Variants in UBAC2 observed in about 807,000 individuals in gnomAD.
The protein encoded by UBAC2 is ubiquitin-associated domain-containing protein 2.
UBAC2 carries 26 observed loss-of-function variants against 44.0 expected under a neutral mutation model. That is an observed-to-expected ratio of 0.59 (90% confidence interval 0.43 to 0.82). The LOEUF (loss-of-function observed/expected upper bound fraction) is 0.82. Among genes scored for constraint, UBAC2 ranks in the 40% least tolerant of loss-of-function variants. The probability of loss-of-function intolerance (pLI) is 0.00; values close to 1 mark genes in which losing one functional copy is unlikely to be tolerated. For synonymous variants in UBAC2, 155 were observed against 154.3 expected (o/e 1.00, Z -0.04); for missense variants, 329 against 419.4 (o/e 0.78, Z 1.88).
At chr13:99,222,278 G>T (rs1010538550) in intron 1 of UBAC2, among the ~76,000 whole-genome samples, 2 of 152,188 alleles carry the variant, frequency 1.3e-5, no homozygotes, top group Non-Finnish European at 2.9e-5. Flanking sequence ...ACGATGGAAG[G>T]CCACTCTGAG....
At chr13:99,285,456 G>T (rs1428299242) in intron 4 of UBAC2, among the ~76,000 whole-genome samples, 1 of 151,218 alleles carries the variant, frequency 6.6e-6, no homozygotes, top group Non-Finnish European at 1.5e-5. Flanking sequence ...GCAGTGGTGC[G>T]ATTGTAGCTC....
At chr13:99,237,451 G>A (rs2043250565) in intron 1 of UBAC2, among the ~76,000 whole-genome samples, 1 of 152,164 alleles carries the variant, frequency 6.6e-6, no homozygotes, top group South Asian at 2.1e-4. Context: ...CATGAAGACA[G>A]AGAGTAGGTT....
chr13:99,254,151 A>G (rs557913294), intron 4 of UBAC2, among the ~76,000 whole-genome samples: 1 of 152,330 alleles, frequency 6.6e-6, no homozygotes, highest in Non-Finnish European at 1.5e-5. Flanking sequence ...TCAACCACAT[A>G]AGAAGAGCAA....
At chr13:99,230,626 G>T (rs1438730664) in intron 1 of UBAC2, among the ~76,000 whole-genome samples, 1 of 152,120 alleles carries the variant, frequency 6.6e-6, no homozygotes, top group Non-Finnish European at 1.5e-5. Context: ...GCCTTTTGTA[G>T]CTTTCTGAGG....
rs901034381 is a variant in UBAC2 at position 99,201,339 on chromosome 13, G to A, written c.31+400G>A. 9.8e-6 allele frequency: 15 copies of A among 1,535,464 alleles called. No individual in the cohort carries two copies. The African/African-American group carries it at 1.6e-4, about 17-fold the overall frequency. ...CCCATTCTTTTAGGCTTGGGGGACC[G>A]AACTAACTCCCCCCGCCCCCACTTG... On this transcript the variant is annotated intron_variant, in intron 1 of 8. Transcript: ENST00000403766.
intron 4 of UBAC2, among the ~76,000 whole-genome samples, chr13:99,287,643 C>CTTTTTTTTTTTTTTTTTTT (rs11304203): frequency 3.8e-4 from 36 of 95,142 alleles, no homozygotes; most frequent in South Asian, 7.9e-4. Context: ...TTTTTTCTTT[C>CTTTTTTTTTTTTTTTTTTT]TTTTTTTTTT....
At chr13:99,337,031 G>A (rs534964878) in intron 6 of UBAC2, among the ~76,000 whole-genome samples, 24 of 151,644 alleles carry the variant, frequency 1.6e-4, no homozygotes, top group African/African-American at 5.1e-4. Flanking sequence ...TTCCTGTCTC[G>A]TTTTACTGCT....
Position 99,335,178 on chromosome 13 carries a change from G to A in UBAC2, c.562-5142G>A, listed in dbSNP as rs143101199. Among the ~76,000 whole-genome samples the A allele has an allele frequency of 5.1e-3, 772 of 152,208 alleles. 4 individuals carry two copies. The highest frequency in any genetic ancestry group is 0.018 in the African/African-American group (727 of 41,542). On this transcript the variant is annotated intron_variant, in intron 6 of 8. Transcript: ENST00000403766. ...AATCACAGTTGAATACTTTGAGACC[G>A]AAAAATAAAAATGTTTAATTTTGTA...
At chr13:99,222,591 G>A (rs1420509635) in intron 1 of UBAC2, among the ~76,000 whole-genome samples, 3 of 152,168 alleles carry the variant, frequency 2.0e-5, no homozygotes, top group Non-Finnish European at 2.9e-5. Context: ...ATGACAAATT[G>A]GTTTCATAGA....
intron 1 of UBAC2, 55 bp from the exon 2 acceptor site, chr13:99,238,372 G>A (rs1441739793): frequency 6.4e-7 from 1 of 1,572,280 alleles, no homozygotes; most frequent in Non-Finnish European, 8.7e-7. Context: ...CACGCATGTG[G>A]TTTTTTAAAT....
chr13:99,286,842 A>C (rs2044024600), intron 4 of UBAC2, among the ~76,000 whole-genome samples: 1 of 152,202 alleles, frequency 6.6e-6, no homozygotes, highest in Non-Finnish European at 1.5e-5. Flanking sequence ...GAATGTGGCC[A>C]GTGCGCGTCC....
intron 7 of UBAC2, among the ~76,000 whole-genome samples, chr13:99,366,125 G>C (rs1335499105): frequency 6.6e-6 from 1 of 152,122 alleles, no homozygotes; most frequent in Non-Finnish European, 1.5e-5. Context: ...GGTGAGAGGT[G>C]AGAGTGGCTT....
intron 4 of UBAC2, among the ~76,000 whole-genome samples, chr13:99,287,255 C>T (rs1321014861): frequency 4.6e-5 from 7 of 152,018 alleles, no homozygotes; most frequent in Admixed American, 2.6e-4. Flanking sequence ...AGTATCTCTA[C>T]GGGCCTCCCC....
chr13:99,286,857 C>G (rs1277057770), intron 4 of UBAC2, among the ~76,000 whole-genome samples: 1 of 152,202 alleles, frequency 6.6e-6, no homozygotes, highest in Non-Finnish European at 1.5e-5. Flanking sequence ...GCGTCCCATT[C>G]TCCTATGATT....
chr13:99,337,902 C>A (rs2044814195), intron 6 of UBAC2, among the ~76,000 whole-genome samples: 1 of 151,998 alleles, frequency 6.6e-6, no homozygotes, highest in African/African-American at 2.4e-5. Context: ...CCCTCTAGTC[C>A]AGGGGTATCT....
chr13:99,372,480 A>G (rs2045420218), intron 8 of UBAC2: 1 of 152,498 alleles, frequency 6.6e-6, no homozygotes, highest in Non-Finnish European at 1.5e-5. Flanking sequence ...GATCCCCAGC[A>G]TCAAATCCAT....
chr13:99,351,718 C>T, intron 7 of UBAC2: 1 of 456,724 alleles, frequency 2.2e-6, no homozygotes, highest in South Asian at 1.5e-5. Flanking sequence ...AGAAGCAGAA[C>T]TAAGGTGAAG....
At chr13:99,229,852 C>T (rs1003319991) in intron 1 of UBAC2, among the ~76,000 whole-genome samples, 4 of 152,190 alleles carry the variant, frequency 2.6e-5, no homozygotes, top group African/African-American at 4.8e-5. Context: ...TTAAAAACTT[C>T]AGCGACATTG....
intron 7 of UBAC2, among the ~76,000 whole-genome samples, chr13:99,343,228 T>C (rs1188531915): frequency 6.6e-6 from 1 of 152,212 alleles, no homozygotes; most frequent in Admixed American, 6.5e-5. Context: ...GCTCACTTTG[T>C]GGCCTACAGA....
Sources: allele counts gnomAD v4.1 joint callset (sites outside exome capture counted in the v4.1 genomes callset), GRCh38; gene constraint gnomAD v4.1.1; transcripts MANE v1.5; gene names NCBI Gene and HGNC (gene_info 2026-07-23, HGNC 2026-07-21).